MCUB: variants seen among roughly 807,000 people sequenced by gnomAD.
MCUB encodes calcium uniporter regulatory subunit MCUb, mitochondrial.
MCUB carries 46 observed loss-of-function variants against 41.4 expected under a neutral mutation model. The ratio of observed to expected loss-of-function variants is 1.11; its 90% CI spans 0.88 to 1.42. MCUB has a LOEUF of 1.42. Among genes scored for constraint, MCUB ranks in the 40% most tolerant of loss-of-function variants. MCUB has a pLI of 0.00. For missense variants in MCUB, 403 were observed against 404.9 expected (o/e 1.00, Z 0.04); for synonymous variants, 148 against 148.2 (o/e 1.00, Z 0.01).
At chr4:109,581,580 T>A (rs1727176517) in intron 1 of MCUB, among the ~76,000 whole-genome samples, 1 of 152,012 alleles carries the variant, frequency 6.6e-6, no homozygotes, top group Admixed American at 6.6e-5. Context: ...GAAACCACCA[T>A]CAGAGTGAAC....
chr4:109,603,294 G>A (rs575747588), intron 1 of MCUB, among the ~76,000 whole-genome samples: 25 of 152,260 alleles, frequency 1.6e-4, no homozygotes, highest in South Asian at 4.2e-4. Flanking sequence ...ATGGGGTTTC[G>A]CTGTGTTGGC....
At chr4:109,685,139 T>C in intron 6 of MCUB, 112 bp from the exon 7 acceptor site, 1 of 610,580 alleles carries the variant, frequency 1.6e-6, no homozygotes, top group Non-Finnish European at 2.9e-6. Flanking sequence ...AATATTTCAC[T>C]CATTCATCTG....
intron 1 of MCUB, among the ~76,000 whole-genome samples, chr4:109,617,932 G>T (rs185003391): frequency 6.6e-6 from 1 of 152,258 alleles, no homozygotes; most frequent in African/African-American, 2.4e-5. Context: ...TCTTGGAAAG[G>T]CCTGGGAAGT....
rs892701437 is a variant in MCUB at position 109,645,252 on chromosome 4, C to T, written c.100-13759C>T. ...TTAAAATCAACTGGTAGAGGTTGTACGAGTAGTTACAACTGAACTGTCACT... is the reference window on the plus strand; with the variant it reads ...TTAAAATCAACTGGTAGAGGTTGTATGAGTAGTTACAACTGAACTGTCACT... On this transcript the variant is annotated intron_variant, in intron 1 of 7. Coordinates refer to ENST00000394650, the MANE Select transcript of MCUB (RefSeq NM_017918.5). 5.9e-5 allele frequency among the ~76,000 whole-genome samples: 9 copies of T among 152,068 alleles called. No individual in the cohort carries two copies. In the South Asian group the frequency reaches 1.5e-3, roughly 25 times the overall value.
chr4:109,560,744 T>G lies in MCUB; in HGVS notation c.99+308T>G, dbSNP rs182157491. On this transcript the variant is annotated intron_variant, in intron 1 of 7. Coordinates refer to ENST00000394650, the MANE Select transcript of MCUB (RefSeq NM_017918.5). ...AGACTTCGGCCTGGGAGCAGCAGAA[T>G]AACCTGGGAGGCAGTTTCTGGGCTG... 1.8e-3 allele frequency among the ~76,000 whole-genome samples: 267 copies of G among 151,830 alleles called. 3 individuals are homozygous for G. The highest frequency in any genetic ancestry group is 6.0e-3 in the African/African-American group (248 of 41,386).
At chr4:109,636,220 A>G (rs1728585731) in intron 1 of MCUB, among the ~76,000 whole-genome samples, 1 of 152,182 alleles carries the variant, frequency 6.6e-6, no homozygotes, top group African/African-American at 2.4e-5. Flanking sequence ...AAGTAGAGGC[A>G]ATTTCTAAAA....
intron 1 of MCUB, among the ~76,000 whole-genome samples, chr4:109,586,557 T>G (rs929310904): frequency 6.6e-6 from 1 of 152,228 alleles, no homozygotes; most frequent in Non-Finnish European, 1.5e-5. Context: ...ATTTTCAGCT[T>G]TTCTGCTCTG....
chr4:109,570,957 A>G (rs1192213797), intron 1 of MCUB, among the ~76,000 whole-genome samples: 1 of 152,234 alleles, frequency 6.6e-6, no homozygotes, highest in East Asian at 1.9e-4. Context: ...GAATGCTAGG[A>G]CTAAGATGTA....
intron 1 of MCUB, among the ~76,000 whole-genome samples, chr4:109,586,934 A>G (rs1001881740): frequency 6.6e-6 from 1 of 152,216 alleles, no homozygotes; most frequent in African/African-American, 2.4e-5. Context: ...TTGAGGAGGC[A>G]GTCTGTCCTT....
At chr4:109,684,194 CT>C (rs1200221675) in intron 5 of MCUB, among the ~76,000 whole-genome samples, 2 of 151,700 alleles carry the variant, frequency 1.3e-5, no homozygotes, top group Non-Finnish European at 2.9e-5. Flanking sequence ...TCCTGAGTAT[CT>C]GGGACTACAG....
At position 109,683,006 on chromosome 4, in the gene MCUB, C is replaced by T. The variant is rs1579099933; in HGVS notation, c.612+264C>T. 5 of 308,318 alleles carry T rather than the reference C, an allele frequency of 1.6e-5. No homozygotes were observed. The East Asian group carries it at 3.4e-4, about 21-fold the overall frequency. The allele number at this position is 308,318 out of a possible 1,614,324, so 19.1% of individuals were successfully genotyped here. ...CAGAGCTGCCATCTTAAACTCTATG[C>T]CATGCCTCCTCTCCAGAGATCAGTC... On this transcript the variant is annotated intron_variant, in intron 5 of 7. Transcript: ENST00000394650.
At chr4:109,566,164 A>G (rs866234660) in intron 1 of MCUB, among the ~76,000 whole-genome samples, 4 of 147,346 alleles carry the variant, frequency 2.7e-5, no homozygotes, top group Non-Finnish European at 6.0e-5. Flanking sequence ...CCAAATTTCA[A>G]TTTCTTTTGA....
chr4:109,591,562 T>C (rs1254788495), intron 1 of MCUB, among the ~76,000 whole-genome samples: 4 of 152,098 alleles, frequency 2.6e-5, no homozygotes, highest in Non-Finnish European at 5.9e-5. Flanking sequence ...TCAGTAGACT[T>C]GGGGGAGGGG....
intron 4 of MCUB, among the ~76,000 whole-genome samples, chr4:109,677,844 AT>A (rs1351849140): frequency 1.3e-5 from 1 of 76,420 alleles, no homozygotes; most frequent in Non-Finnish European, 2.5e-5. Context: ...TTTATTGATC[AT>A]TCTTGGGTGT....
At position 109,578,254 on chromosome 4, in the gene MCUB, G is replaced by A. The variant is rs140957817; in HGVS notation, c.99+17818G>A. On this transcript the variant is annotated intron_variant, in intron 1 of 7. Coordinates refer to ENST00000394650, the MANE Select transcript of MCUB (RefSeq NM_017918.5). The stretch of plus-strand genomic sequence containing the variant: ...TAAGTGCTCATAAACCAATATATGG[G>A]AATATAGTTCTTGAAATCTGAATGG... Among the ~76,000 whole-genome samples, 888 of 152,198 alleles carry A rather than the reference G, an allele frequency of 5.8e-3. 28 individuals carry two copies. In the South Asian group the frequency reaches 0.072, roughly 12 times the overall value.
chr4:109,620,152 C>T (rs559740324), intron 1 of MCUB, among the ~76,000 whole-genome samples: 14 of 152,126 alleles, frequency 9.2e-5, no homozygotes, highest in Non-Finnish European at 1.8e-4. Flanking sequence ...TGTTCCTTCT[C>T]GTTTTGCTTA....
In MCUB at chr4:109,560,277, G is replaced by T. The variant is rs1048925685; in HGVS notation, c.-61G>T. 2.4e-5 allele frequency: 21 copies of T among 865,094 alleles called. No homozygotes were observed. The highest frequency in any genetic ancestry group is 5.3e-5 in the South Asian group (1 of 19,030). The allele number at this position is 865,094 out of a possible 1,614,324, so 53.6% of individuals were successfully genotyped here. A position where few individuals can be genotyped will look rare whatever the true frequency, so the allele number is the denominator to read the frequency against. ...CGGAGCCACCAGGCGCTGACGAGGA[G>T]CCCGGCTGAGGGAGGATGCGCCGCT... On this transcript the variant is annotated 5_prime_UTR_variant, in exon 1 of 8. Transcript: ENST00000394650.
intron 1 of MCUB, among the ~76,000 whole-genome samples, chr4:109,603,476 C>T (rs1366073051): frequency 6.6e-6 from 1 of 152,220 alleles, no homozygotes; most frequent in Non-Finnish European, 1.5e-5. Flanking sequence ...CTGCCTTGGC[C>T]TCCCAAAGTG....
intron 4 of MCUB, among the ~76,000 whole-genome samples, chr4:109,682,201 TG>T (rs1253411481): frequency 6.6e-6 from 1 of 152,230 alleles, no homozygotes; most frequent in Admixed American, 6.5e-5. Context: ...ACGAGGTCTT[TG>T]TAAAATTTGT....
Sources: allele counts gnomAD v4.1 joint callset (sites outside exome capture counted in the v4.1 genomes callset), GRCh38; gene constraint gnomAD v4.1.1; transcripts MANE v1.5; gene names NCBI Gene and HGNC (gene_info 2026-07-23, HGNC 2026-07-21).